SV2C: variants seen among roughly 807,000 people sequenced by gnomAD.
The protein encoded by SV2C is solute carrier family 22 member B3.
A neutral mutation model predicts 79.7 loss-of-function variants in SV2C; 49 were observed. The observed-to-expected ratio is 0.61, with a 90% CI of 0.49 to 0.78. SV2C has a LOEUF of 0.78. Ranked by LOEUF, SV2C falls within the 30% of genes least tolerant of loss-of-function variation. SV2C has a pLI of 0.00. For missense variants in SV2C, 833 were observed against 912.9 expected (o/e 0.91, Z 1.13); for synonymous variants, 334 against 333.2 (o/e 1.00, Z -0.03).
chr5:75,984,473 A>G, the SV2C span, among the ~76,000 whole-genome samples: 1 of 152,104 alleles, frequency 6.6e-6, no homozygotes, highest in African/African-American at 2.4e-5. Flanking sequence ...GTTAAAAATC[A>G]GAGAGGTAGT....
chr5:76,349,390 G>A (rs1206641755), intron 12 of SV2C, among the ~76,000 whole-genome samples: 3 of 152,008 alleles, frequency 2.0e-5, no homozygotes, highest in African/African-American at 7.2e-5. Context: ...ACGCGCACCT[G>A]TAACCCAGCT....
chr5:76,213,223 A>C (rs1355369865), intron 4 of SV2C, among the ~76,000 whole-genome samples: 13 of 152,258 alleles, frequency 8.5e-5, no homozygotes, highest in Non-Finnish European at 1.2e-4. Flanking sequence ...AATTAAAATT[A>C]AAAATGAAAA....
the SV2C span, among the ~76,000 whole-genome samples, chr5:76,027,059 C>CT: frequency 0.062 from 7,548 of 122,184 alleles, 387 homozygotes; most frequent in African/African-American, 0.088. Context: ...TTTCAGTTGT[C>CT]TTTTTTTTTT....
At chr5:76,308,058 A>C (rs551863223) in intron 12 of SV2C, among the ~76,000 whole-genome samples, 47 of 152,256 alleles carry the variant, frequency 3.1e-4, no homozygotes, top group Middle Eastern at 3.4e-3. Context: ...TTCTGTTTGA[A>C]ATCTTCCTGT....
At chr5:76,194,884 C>T (rs573237879) in intron 2 of SV2C, 35 bp from the exon 3 acceptor site, 20 of 1,606,652 alleles carry the variant, frequency 1.2e-5, no homozygotes, top group East Asian at 2.2e-5. Flanking sequence ...GACTCCCAAC[C>T]TCTGATGTGT....
At chr5:76,182,713 C>T (rs925301990) in intron 2 of SV2C, among the ~76,000 whole-genome samples, 18 of 152,266 alleles carry the variant, frequency 1.2e-4, no homozygotes, top group African/African-American at 4.1e-4. Flanking sequence ...TGGCCTTTCT[C>T]CCTCCCTGTG....
chr5:76,134,925 A>G (rs1158946406), intron 2 of SV2C, among the ~76,000 whole-genome samples: 2 of 152,226 alleles, frequency 1.3e-5, no homozygotes, highest in Non-Finnish European at 2.9e-5. Context: ...AGGTTTCTCT[A>G]TCCAAGGAAG....
chr5:76,071,305 G>A, the SV2C span, among the ~76,000 whole-genome samples: 4 of 152,128 alleles, frequency 2.6e-5, no homozygotes, highest in Admixed American at 2.6e-4. Context: ...TGGAGAAGAC[G>A]CACCGAGCAG....
At chr5:76,150,626 CTTTTTTTTTTTTTTT>C (rs57910684) in intron 2 of SV2C, among the ~76,000 whole-genome samples, 31 of 56,500 alleles carry the variant, frequency 5.5e-4, no homozygotes, top group South Asian at 2.1e-3. Flanking sequence ...TCATCAAATT[CTTTTTTTTTTTTTTT>C]TTTTTTTTTT....
At chr5:75,960,474 A>G in the SV2C span, among the ~76,000 whole-genome samples, 2 of 152,136 alleles carry the variant, frequency 1.3e-5, no homozygotes, top group East Asian at 3.9e-4. Context: ...ATGTTTAGAT[A>G]CACAAATAGT....
intron 4 of SV2C, among the ~76,000 whole-genome samples, chr5:76,232,719 T>C (rs1745464641): frequency 7.1e-6 from 1 of 141,734 alleles, no homozygotes; most frequent in South Asian, 2.2e-4. Flanking sequence ...TGCTTGTTTT[T>C]CTCAGGTTTG....
the SV2C span, among the ~76,000 whole-genome samples, chr5:75,943,439 C>T: frequency 1.3e-5 from 2 of 152,256 alleles, no homozygotes; most frequent in East Asian, 1.9e-4. Context: ...CCTTCTTTTT[C>T]TCAGAACACA....
intron 2 of SV2C, among the ~76,000 whole-genome samples, chr5:76,138,734 A>G (rs1749146642): frequency 6.6e-6 from 1 of 152,194 alleles, no homozygotes; most frequent in South Asian, 2.1e-4. Context: ...TAGGATCTCA[A>G]CAAATATTTG....
chr5:76,151,007 A>T (rs772580376), intron 2 of SV2C, among the ~76,000 whole-genome samples: 9 of 152,208 alleles, frequency 5.9e-5, no homozygotes, highest in Non-Finnish European at 1.0e-4. Flanking sequence ...TACAAAGATC[A>T]ACCAGATACA....
At chr5:76,262,548 G>A (rs1016509814) in intron 4 of SV2C, among the ~76,000 whole-genome samples, 5 of 152,040 alleles carry the variant, frequency 3.3e-5, no homozygotes, top group South Asian at 4.1e-4. Flanking sequence ...GATCTTTCCC[G>A]CTTTCTGATG....
chr5:76,004,457 A>C, the SV2C span, among the ~76,000 whole-genome samples: 5 of 152,180 alleles, frequency 3.3e-5, no homozygotes, highest in Admixed American at 2.6e-4. Flanking sequence ...GATGAGGTGT[A>C]TAAAGCATAT....
chr5:76,224,153 G>A (rs74548276), intron 4 of SV2C, among the ~76,000 whole-genome samples: 2,005 of 152,232 alleles, frequency 0.013, 56 homozygotes, highest in African/African-American at 0.046. Flanking sequence ...GCTACTAGAA[G>A]GGCTCCACCC....
the SV2C span, among the ~76,000 whole-genome samples, chr5:75,880,464 G>C: frequency 6.6e-6 from 1 of 152,096 alleles, no homozygotes; most frequent in Non-Finnish European, 1.5e-5. Context: ...TTCTTCACCA[G>C]ATTCCCTAAA....
chr5:75,866,611 A>G, the SV2C span, among the ~76,000 whole-genome samples: 2 of 152,338 alleles, frequency 1.3e-5, no homozygotes, highest in Admixed American at 1.3e-4. Context: ...TGAAGACAAA[A>G]CACCTAAGAA....
Sources: gnomAD v4.1 joint callset for allele counts (sites outside exome capture counted in the v4.1 genomes callset) on GRCh38, gnomAD v4.1.1 for gene constraint, MANE v1.5 for transcripts, NCBI Gene and HGNC (gene_info 2026-07-23, HGNC 2026-07-21) for gene names.